DGKB: variants seen among roughly 807,000 people sequenced by gnomAD.
DGKB encodes diacylglycerol kinase beta, also known as 90 kDa diacylglycerol kinase.
In DGKB, 67 loss-of-function variants were observed where a neutral mutation model predicts 114.3. The observed-to-expected ratio is 0.59, with a 90% CI of 0.48 to 0.72. DGKB has a LOEUF of 0.72. DGKB is among the 30% of genes least tolerant of loss of function. The pLI, the probability that DGKB is intolerant of heterozygous loss-of-function variation, is 0.00. For synonymous variants in DGKB, 398 were observed against 323.1 expected (o/e 1.23, Z -2.49); for missense variants, 907 against 975.2 (o/e 0.93, Z 0.93).
At chr7:14,632,673 C>T (rs1049308014) in intron 13 of DGKB, among the ~76,000 whole-genome samples, 1 of 151,528 alleles carries the variant, frequency 6.6e-6, no homozygotes, top group Non-Finnish European at 1.5e-5. Context: ...GGAGAGAAGT[C>T]ATAGGAGTGG....
chr7:14,697,656 G>GA (rs1294936377), intron 8 of DGKB, among the ~76,000 whole-genome samples: 9 of 96,036 alleles, frequency 9.4e-5, no homozygotes, highest in Non-Finnish European at 1.3e-4. Flanking sequence ...CCAGACAAGA[G>GA]AAAAAAAAAG....
intron 2 of DGKB, among the ~76,000 whole-genome samples, chr7:14,810,758 G>T (rs937466382): frequency 6.6e-6 from 1 of 152,078 alleles, no homozygotes; most frequent in Admixed American, 6.5e-5. Context: ...ACAGGCATGC[G>T]CCACCATGCC....
At chr7:14,360,445 A>G (rs1815496690) in intron 21 of DGKB, among the ~76,000 whole-genome samples, 2 of 146,234 alleles carry the variant, frequency 1.4e-5, no homozygotes, top group Non-Finnish European at 3.0e-5. Context: ...CCTAGAACTT[A>G]AAGTATATAT....
chr7:14,725,284 T>G (rs997464857), intron 5 of DGKB, among the ~76,000 whole-genome samples: 2 of 152,208 alleles, frequency 1.3e-5, no homozygotes, highest in Non-Finnish European at 2.9e-5. Context: ...TAAATTTAAA[T>G]AGCAGTGGAT....
At chr7:14,479,756 T>C (rs969699315) in intron 20 of DGKB, among the ~76,000 whole-genome samples, 1 of 152,106 alleles carries the variant, frequency 6.6e-6, no homozygotes, top group Non-Finnish European at 1.5e-5. Flanking sequence ...GAAAAACACC[T>C]GAACTGGGCT....
chr7:14,581,886 TTG>T (rs1799985872), intron 18 of DGKB, among the ~76,000 whole-genome samples: 1 of 152,202 alleles, frequency 6.6e-6, no homozygotes, highest in African/African-American at 2.4e-5. Context: ...TGAATTCTGG[TTG>T]TCTTCTCAGA....
chr7:14,559,739 G>A (rs953611062), intron 20 of DGKB, among the ~76,000 whole-genome samples: 2 of 152,132 alleles, frequency 1.3e-5, no homozygotes, highest in African/African-American at 4.8e-5. Flanking sequence ...TCAAAGCCTT[G>A]GATCTCAAAC....
chr7:14,170,048 C>T (rs4559146), intron 25 of DGKB, among the ~76,000 whole-genome samples: 6,106 of 150,536 alleles, frequency 0.041, 151 homozygotes, highest in Non-Finnish European at 0.06. Flanking sequence ...GCAGGAGAAT[C>T]GCTTGAACCC....
chr7:14,446,015 G>A (rs1355208678), intron 21 of DGKB, among the ~76,000 whole-genome samples: 2 of 151,964 alleles, frequency 1.3e-5, no homozygotes, highest in African/African-American at 4.8e-5. Flanking sequence ...TATAACATAA[G>A]GAAAACCCGT....
Position 14,270,385 on chromosome 7 carries a change from A to G in DGKB, c.2122+68130T>C, listed in dbSNP as rs138254115. Among the ~76,000 whole-genome samples, 461 of 152,194 alleles carry G rather than the reference A, an allele frequency of 3.0e-3. 2 individuals carry two copies. Among genetic ancestry groups the G allele is most frequent in the African/African-American group, 9.7e-3 (401 of 41,534 alleles). ...TTGCCTCTCTTTATACCTTGTTGTT[A>G]GCTTCTAAGTCACTGGTCAGCCTAT... On this transcript the variant is annotated intron_variant, in intron 23 of 25. Coordinates refer to ENST00000402815, the MANE Select transcript of DGKB (RefSeq NM_001350709.2).
chr7:14,316,076 T>G, intron 23 of DGKB, among the ~76,000 whole-genome samples: 1 of 150,782 alleles, frequency 6.6e-6, no homozygotes, highest in Admixed American at 6.6e-5. Context: ...AGATGTTCTT[T>G]GAAACCAACG....
chr7:14,814,589 G>A (rs1843855560), intron 2 of DGKB, among the ~76,000 whole-genome samples: 1 of 152,020 alleles, frequency 6.6e-6, no homozygotes, highest in African/African-American at 2.4e-5. Flanking sequence ...TTGGGTATTG[G>A]TATCTGTTAC....
chr7:14,861,284 C>T (rs955260621), intron 1 of DGKB, among the ~76,000 whole-genome samples: 1 of 151,644 alleles, frequency 6.6e-6, no homozygotes, highest in African/African-American at 2.4e-5. Flanking sequence ...AAAGAAAATA[C>T]CGTTACTACA....
rs557161243 is a variant in DGKB, at chr7:14,681,230, G to A, written c.1035+1323C>T. On this transcript the variant is annotated intron_variant, in intron 12 of 25. Transcript: ENST00000402815. Reference sequence around the variant, plus strand: ...ATTCATGTGTAAAATTTGAATCATCGTTAGACATTTTATTATACTAACCAA... The same window carrying A: ...ATTCATGTGTAAAATTTGAATCATCATTAGACATTTTATTATACTAACCAA... Among the ~76,000 whole-genome samples, 27 of 151,976 alleles carry A rather than the reference G, an allele frequency of 1.8e-4. No homozygotes were observed. In the South Asian group the frequency reaches 5.2e-3, roughly 29 times the overall value.
At chr7:14,698,440 G>C (rs1824483583) in intron 7 of DGKB, among the ~76,000 whole-genome samples, 1 of 152,114 alleles carries the variant, frequency 6.6e-6, no homozygotes, top group South Asian at 2.1e-4. Context: ...TCTACTAAAA[G>C]AGAGTGTCTG....
At chr7:14,149,558 C>G (rs559582280) in intron 25 of DGKB, among the ~76,000 whole-genome samples, 15 of 151,968 alleles carry the variant, frequency 9.9e-5, no homozygotes, top group Non-Finnish European at 1.9e-4. Context: ...CATGATTATC[C>G]AGTATTATTT....
chr7:14,501,086 T>C (rs2128954432), intron 20 of DGKB, among the ~76,000 whole-genome samples: 1 of 151,868 alleles, frequency 6.6e-6, no homozygotes, highest in East Asian at 1.9e-4. Context: ...CCAGAAAAAA[T>C]ATTCTCAAGA....
chr7:14,532,534 G>C (rs1416235072), intron 20 of DGKB, among the ~76,000 whole-genome samples: 1 of 151,326 alleles, frequency 6.6e-6, no homozygotes, highest in Admixed American at 6.6e-5. Context: ...AATAGTGTTA[G>C]AGATGCACAG....
intron 21 of DGKB, among the ~76,000 whole-genome samples, chr7:14,470,151 A>C (rs1781066999): frequency 6.6e-6 from 1 of 151,916 alleles, no homozygotes; most frequent in African/African-American, 2.4e-5. Context: ...GAAACTAAAG[A>C]CATAAAAGTG....
Sources: gnomAD v4.1 joint callset for allele counts (sites outside exome capture counted in the v4.1 genomes callset) on GRCh38, gnomAD v4.1.1 for gene constraint, MANE v1.5 for transcripts, NCBI Gene and HGNC (gene_info 2026-07-23, HGNC 2026-07-21) for gene names.